The following STIM1 variants were observed in gnomAD, a reference collection of about 807,000 sequenced individuals.
The protein encoded by STIM1 is stromal interaction molecule 1.
A neutral mutation model predicts 74.7 loss-of-function variants in STIM1; 25 were observed. The ratio of observed to expected loss-of-function variants is 0.33; its 90% CI spans 0.24 to 0.47. The LOEUF (loss-of-function observed/expected upper bound fraction) is 0.47. STIM1 is among the 20% of genes least tolerant of loss of function. The probability of loss-of-function intolerance (pLI) is 1.00; values close to 1 mark genes in which losing one functional copy is unlikely to be tolerated. For synonymous variants in STIM1, 328 were observed against 348.8 expected, an observed-to-expected ratio of 0.94 and a Z score of 0.66; for missense variants, 728 against 920.8, an observed-to-expected ratio of 0.79 and a Z score of 2.71.
intron 1 of STIM1, among the ~76,000 whole-genome samples, chr11:3,953,440 G>A (rs2093172993): frequency 6.6e-6 from 1 of 152,188 alleles, no homozygotes; most frequent in African/African-American, 2.4e-5. Flanking sequence ...TTGCTTTGTT[G>A]CCTTGGAAAG....
intron 1 of STIM1, among the ~76,000 whole-genome samples, chr11:3,875,004 ATTGT>A (rs144303703): frequency 0.012 from 1,350 of 115,468 alleles, 12 homozygotes; most frequent in African/African-American, 0.04. Context: ...CTCTTCTTTT[ATTGT>A]TTGTTTGTTT....
intron 4 of STIM1, chr11:4,059,010 G>T: frequency 9.2e-7 from 1 of 1,085,236 alleles, no homozygotes. Context: ...TTAGTTGGGT[G>T]TGGGAATGGT....
chr11:3,918,763 C>A (rs1233969680), intron 1 of STIM1, among the ~76,000 whole-genome samples: 1 of 151,934 alleles, frequency 6.6e-6, no homozygotes, highest in East Asian at 1.9e-4. Context: ...GGATCGAGAA[C>A]AGGAAAGAGG....
At chr11:3,873,166 G>A (rs867153306) in intron 1 of STIM1, among the ~76,000 whole-genome samples, 29 of 151,900 alleles carry the variant, frequency 1.9e-4, no homozygotes, top group South Asian at 8.3e-4. Context: ...CTGTAATCCC[G>A]GCACTTTGGG....
At chr11:3,881,515 T>TAATTA (rs2091499846) in intron 1 of STIM1, among the ~76,000 whole-genome samples, 1 of 150,890 alleles carries the variant, frequency 6.6e-6, no homozygotes, top group Non-Finnish European at 1.5e-5. Context: ...GGACTACAGG[T>TAATTA]GCCCGCCACA....
chr11:3,967,121 T>A (rs1301808616), intron 1 of STIM1, among the ~76,000 whole-genome samples: 4 of 152,252 alleles, frequency 2.6e-5, no homozygotes, highest in Non-Finnish European at 1.5e-5. Flanking sequence ...TTGTTCTGTT[T>A]CCAGAAAGAT....
rs935931399 is a variant in STIM1 at position 4,004,774 on chromosome 11, G to T, written c.271-19099G>T. On this transcript the variant is annotated intron_variant, in intron 2 of 12. Coordinates refer to ENST00000526596, the MANE Select transcript of STIM1 (RefSeq NM_001382567.1). ...ACTAAAGAGCTTCTGCACAGCAAAA[G>T]AAACTACCATCAGAGTGAACAGGCA... is the stretch of plus-strand genomic sequence containing the variant. Among the ~76,000 whole-genome samples the T allele has an allele frequency of 3.5e-4, 53 of 152,140 alleles. 1 individual carries two copies. The South Asian group carries it at 1.0e-2, about 29-fold the overall frequency.
chr11:4,053,026 A>G (rs1377005967), intron 3 of STIM1, among the ~76,000 whole-genome samples: 4 of 152,262 alleles, frequency 2.6e-5, no homozygotes, highest in South Asian at 2.1e-4. Context: ...CAAAACCGCA[A>G]TGAGATACCA....
Position 3,899,903 on chromosome 11 carries a change from A to G in STIM1, c.139+43494A>G, listed in dbSNP as rs547293067. 6.6e-3 allele frequency among the ~76,000 whole-genome samples: 993 copies of G among 151,584 alleles called. 10 individuals are homozygous for G. The highest frequency in any genetic ancestry group is 0.023 in the African/African-American group (933 of 41,074). ...TGGTGGATAAGCTTTTTGATGTGCT[A>G]CTGGATTCGGTTTGCCAGTATTTTA... is the stretch of plus-strand genomic sequence containing the variant. On this transcript the variant is annotated intron_variant, in intron 1 of 12. Coordinates refer to ENST00000526596, the MANE Select transcript of STIM1 (RefSeq NM_001382567.1).
intron 1 of STIM1, among the ~76,000 whole-genome samples, chr11:3,860,102 A>T (rs774088966): frequency 2.0e-5 from 3 of 152,224 alleles, no homozygotes; most frequent in Non-Finnish European, 4.4e-5. Flanking sequence ...CACATAAATA[A>T]ATATATTATC....
intron 1 of STIM1, among the ~76,000 whole-genome samples, chr11:3,931,636 G>A (rs2092861257): frequency 6.6e-6 from 1 of 152,136 alleles, no homozygotes; most frequent in African/African-American, 2.4e-5. Context: ...TGATAAATGG[G>A]GATCTGCTAT....
chr11:3,962,202 C>A (rs1447750697), intron 1 of STIM1, among the ~76,000 whole-genome samples: 1 of 151,924 alleles, frequency 6.6e-6, no homozygotes, highest in African/African-American at 2.4e-5. Flanking sequence ...TACATTGTAC[C>A]CAAAAGGTAG....
intron 1 of STIM1, among the ~76,000 whole-genome samples, chr11:3,875,693 T>G (rs2091286151): frequency 6.7e-6 from 1 of 149,666 alleles, no homozygotes; most frequent in Non-Finnish European, 1.5e-5. Flanking sequence ...GCCACTGCAC[T>G]CCAGCCTGGG....
rs539646523 is a variant in STIM1, at chr11:3,909,124, A to G, written c.139+52715A>G. On this transcript the variant is annotated intron_variant, in intron 1 of 12. Transcript: ENST00000526596. ...GAGTGCCAGCCAAGGCCAGAGTGCA[A>G]ATCATTCCCAAGGTATACTGGGGTA... Among the ~76,000 whole-genome samples the G allele has an allele frequency of 2.6e-5, 4 of 152,148 alleles. No homozygotes were observed. The East Asian group carries it at 5.8e-4, about 22-fold the overall frequency.
intron 2 of STIM1, among the ~76,000 whole-genome samples, chr11:4,015,472 T>G (rs1227428918): frequency 6.6e-6 from 1 of 152,216 alleles, no homozygotes; most frequent in Non-Finnish European, 1.5e-5. Context: ...TGGCTGCCCT[T>G]AACATTTTTT....
At chr11:4,030,326 C>CAAA (rs35716064) in intron 3 of STIM1, among the ~76,000 whole-genome samples, 4 of 122,874 alleles carry the variant, frequency 3.3e-5, no homozygotes, top group Non-Finnish European at 3.5e-5. Context: ...AACTCCATCT[C>CAAA]AAAAAAAAAA....
chr11:4,073,641 C>T (rs1321486786), intron 6 of STIM1, among the ~76,000 whole-genome samples: 1 of 152,084 alleles, frequency 6.6e-6, no homozygotes, highest in Non-Finnish European at 1.5e-5. Context: ...CATAGATAGC[C>T]GTGTGGAGGA....
chr11:3,876,188 T>C (rs1214007575), intron 1 of STIM1, among the ~76,000 whole-genome samples: 2 of 152,236 alleles, frequency 1.3e-5, no homozygotes, highest in African/African-American at 4.8e-5. Context: ...AATACTATTA[T>C]TGTCATACTT....
At chr11:3,855,418 T>G (rs2090322444), upstream of STIM1, 1 of 151,006 alleles carries the variant, frequency 6.6e-6, no homozygotes. Flanking sequence ...AGACTCTCGG[T>G]GGGGAAAGGG....
Sources: gnomAD v4.1 joint callset for allele counts (sites outside exome capture counted in the v4.1 genomes callset) on GRCh38, gnomAD v4.1.1 for gene constraint, MANE v1.5 for transcripts, NCBI Gene and HGNC (gene_info 2026-07-23, HGNC 2026-07-21) for gene names.